The following GRID1 variants were observed in gnomAD, a reference collection of about 807,000 sequenced individuals.
The protein encoded by GRID1 is glutamate ionotropic receptor delta type subunit 1.
In GRID1, 28 loss-of-function variants were observed where a neutral mutation model predicts 98.0. The observed-to-expected ratio is 0.29, with a 90% CI of 0.21 to 0.39. The LOEUF (loss-of-function observed/expected upper bound fraction) is 0.39, where lower values mean the gene tolerates loss of function less well. Among genes scored for constraint, GRID1 ranks in the 10% least tolerant of loss-of-function variants. The pLI, the probability that GRID1 is intolerant of heterozygous loss-of-function variation, is 1.00. For missense variants in GRID1, 1,111 were observed against 1,340.5 expected, an observed-to-expected ratio of 0.83 and a Z score of 2.67; for synonymous variants, 553 against 538.5, an observed-to-expected ratio of 1.03 and a Z score of -0.37.
At chr10:86,124,294 T>C (rs1844719787) in intron 4 of GRID1, among the ~76,000 whole-genome samples, 2 of 152,142 alleles carry the variant, frequency 1.3e-5, no homozygotes, top group African/African-American at 4.8e-5. Context: ...TGCTTTGATC[T>C]TGGACACCTC....
At chr10:86,299,025 T>C (rs1443544160) in intron 2 of GRID1, among the ~76,000 whole-genome samples, 3 of 151,958 alleles carry the variant, frequency 2.0e-5, no homozygotes, top group Non-Finnish European at 4.4e-5. Flanking sequence ...TAGTTCCATG[T>C]CCTATTCCAT....
At chr10:85,865,121 A>G (rs1590271727) in intron 6 of GRID1, among the ~76,000 whole-genome samples, 1 of 152,160 alleles carries the variant, frequency 6.6e-6, no homozygotes, top group East Asian at 1.9e-4. Flanking sequence ...CACTTTTATT[A>G]CTGGCTGAGT....
At chr10:86,130,966 A>T (rs920916316) in intron 4 of GRID1, among the ~76,000 whole-genome samples, 1 of 152,134 alleles carries the variant, frequency 6.6e-6, no homozygotes, top group Non-Finnish European at 1.5e-5. Flanking sequence ...GCAAGCAGCC[A>T]AACAAAGGAG....
At chr10:86,256,788 A>G (rs1445117319) in intron 2 of GRID1, among the ~76,000 whole-genome samples, 1 of 152,076 alleles carries the variant, frequency 6.6e-6, no homozygotes, top group East Asian at 1.9e-4. Context: ...GCTGGCCTCT[A>G]TGGACTCAGC....
chr10:86,354,456 G>T (rs1195160405), intron 2 of GRID1, among the ~76,000 whole-genome samples: 1 of 152,162 alleles, frequency 6.6e-6, no homozygotes, highest in African/African-American at 2.4e-5. Context: ...GCCCCAAGGC[G>T]CTAAGCACCC....
intron 8 of GRID1, 29 bp downstream of exon 8, chr10:85,854,467 G>A: frequency 6.2e-7 from 1 of 1,610,956 alleles, no homozygotes; most frequent in Non-Finnish European, 8.5e-7. Flanking sequence ...ATAGCAGGAA[G>A]ATTGGAAGAC....
At chr10:85,674,329 G>A (rs575256444) in intron 12 of GRID1, among the ~76,000 whole-genome samples, 4 of 152,072 alleles carry the variant, frequency 2.6e-5, no homozygotes, top group South Asian at 2.1e-4. Context: ...CCCTCAGAAC[G>A]GGTGCCCAAG....
intron 13 of GRID1, among the ~76,000 whole-genome samples, chr10:85,641,073 T>C (rs1843110839): frequency 6.6e-6 from 1 of 152,206 alleles, no homozygotes; most frequent in South Asian, 2.1e-4. Context: ...AACGCTATAT[T>C]CTACTTGACA....
chr10:85,661,454 C>G (rs369583216), intron 12 of GRID1, among the ~76,000 whole-genome samples: 1 of 152,322 alleles, frequency 6.6e-6, no homozygotes, highest in Admixed American at 6.5e-5. Context: ...AAACTAGAAT[C>G]TCATTTTGCA....
chr10:86,310,866 C>G (rs1847823092), intron 2 of GRID1, among the ~76,000 whole-genome samples: 1 of 152,196 alleles, frequency 6.6e-6, no homozygotes, highest in Admixed American at 6.5e-5. Context: ...ATGCAGCAGT[C>G]TGTTCAGTAA....
At chr10:85,806,513 G>A (rs1255482031) in intron 8 of GRID1, among the ~76,000 whole-genome samples, 1 of 151,958 alleles carries the variant, frequency 6.6e-6, no homozygotes, top group Non-Finnish European at 1.5e-5. Context: ...GCATGTGAAT[G>A]TTCTCAGAAG....
At chr10:85,849,943 AAGG>A (rs1203251938) in intron 8 of GRID1, among the ~76,000 whole-genome samples, 1 of 152,142 alleles carries the variant, frequency 6.6e-6, no homozygotes, top group Non-Finnish European at 1.5e-5. Flanking sequence ...TGATTCTAGA[AAGG>A]AGAAGAAAAC....
chr10:86,353,815 G>A (rs1848497064), intron 2 of GRID1, among the ~76,000 whole-genome samples: 1 of 152,304 alleles, frequency 6.6e-6, no homozygotes. Context: ...GAGCCTCCTG[G>A]GACACAGGAG....
At chr10:85,853,593 T>C (rs1158453104) in intron 8 of GRID1, among the ~76,000 whole-genome samples, 1 of 152,196 alleles carries the variant, frequency 6.6e-6, no homozygotes, top group African/African-American at 2.4e-5. Context: ...GCCTCTCCTG[T>C]ACAGGCTATT....
At chr10:86,268,919 G>A (rs1847144386) in intron 2 of GRID1, among the ~76,000 whole-genome samples, 1 of 151,024 alleles carries the variant, frequency 6.6e-6, no homozygotes. Context: ...TGACCTGTGA[G>A]GCGGAGGTTG....
chr10:85,747,612 A>C (rs1842009492), intron 8 of GRID1, among the ~76,000 whole-genome samples: 1 of 152,188 alleles, frequency 6.6e-6, no homozygotes, highest in Non-Finnish European at 1.5e-5. Context: ...CCCCAGCACC[A>C]GAGTCAAAGA....
intron 8 of GRID1, among the ~76,000 whole-genome samples, chr10:85,772,270 C>A (rs922815351): frequency 1.6e-4 from 25 of 152,078 alleles, no homozygotes; most frequent in Non-Finnish European, 2.9e-4. Context: ...TTCTTTGAAA[C>A]CAACAAGAAC....
chr10:85,947,510 C>G (rs1350940297), intron 4 of GRID1, among the ~76,000 whole-genome samples: 1 of 152,176 alleles, frequency 6.6e-6, no homozygotes, highest in East Asian at 1.9e-4. Context: ...TACAGATTCC[C>G]CTAGAAGACC....
Position 86,366,305 on chromosome 10 carries a change from C to G in GRID1, c.79+9G>C. On this transcript the variant is annotated intron_variant, in intron 1 of 15. Transcript: ENST00000327946. The surrounding 1 kb of genome is among the most constrained non-coding windows in gnomAD (Gnocchi z 4.1). ...GCCCAGCCTCGGCCCGGCCTCCAGC[C>G]GCGCTTACCGATGTGGATGATGGAG... is the stretch of plus-strand genomic sequence containing the variant. 1 of 1,488,406 alleles carries G rather than the reference C, an allele frequency of 6.7e-7. No individual in the cohort carries two copies. The highest frequency in any genetic ancestry group is 9.0e-7 in the Non-Finnish European group (1 of 1,115,554). 92.2% of individuals were successfully genotyped at this position (1,488,406 alleles called of 1,614,324 possible). A position where few individuals can be genotyped will look rare whatever the true frequency, so the allele number is the denominator to read the frequency against.
Sources: allele counts gnomAD v4.1 joint callset (sites outside exome capture counted in the v4.1 genomes callset), GRCh38; gene constraint gnomAD v4.1.1; non-coding constraint Gnocchi (gnomAD v3.1); transcripts MANE v1.5; gene names NCBI Gene and HGNC (gene_info 2026-07-23, HGNC 2026-07-21).